SYN2: variants seen among roughly 807,000 people sequenced by gnomAD.
The protein encoded by SYN2 is synapsin-2.
Under a neutral mutation model 50.9 loss-of-function variants are expected in SYN2, and 19 were observed. The ratio of observed to expected loss-of-function variants is 0.37; its 90% CI spans 0.26 to 0.55. The LOEUF (loss-of-function observed/expected upper bound fraction) is 0.55, where lower values mean the gene tolerates loss of function less well. Ranked by LOEUF, SYN2 falls within the 20% of genes least tolerant of loss-of-function variation. The pLI, the probability that SYN2 is intolerant of heterozygous loss-of-function variation, is 0.81. For synonymous variants in SYN2, 255 were observed against 224.9 expected (o/e 1.13, Z -1.20); for missense variants, 587 against 576.4 (o/e 1.02, Z -0.19).
chr3:12,109,573 C>T (rs1574945640), intron 1 of SYN2, among the ~76,000 whole-genome samples: 2 of 152,186 alleles, frequency 1.3e-5, no homozygotes, highest in East Asian at 3.8e-4. Flanking sequence ...TTAGTTAGCG[C>T]TCAGTAAATG....
intron 1 of SYN2, among the ~76,000 whole-genome samples, chr3:12,018,553 C>T (rs1035654230): frequency 6.6e-6 from 1 of 152,078 alleles, no homozygotes; most frequent in Admixed American, 6.6e-5. Context: ...AATGATTTCC[C>T]TTTGGTGCTA....
intron 5 of SYN2, chr3:12,158,655 C>T (rs757514474): frequency 1.9e-6 from 3 of 1,603,392 alleles, no homozygotes; most frequent in South Asian, 2.2e-5. Flanking sequence ...AGATACTAAT[C>T]CCCCACAACC....
chr3:12,071,140 G>A (rs896670709), intron 1 of SYN2: 19 of 557,528 alleles, frequency 3.4e-5, no homozygotes, highest in South Asian at 1.1e-4. Context: ...GCTGTCCAGC[G>A]GCACTACCAT....
chr3:12,057,066 C>T (rs1470832310), intron 1 of SYN2, among the ~76,000 whole-genome samples: 2 of 151,812 alleles, frequency 1.3e-5, no homozygotes, highest in Admixed American at 6.6e-5. Flanking sequence ...CTGAGGCAAG[C>T]GGATCACTTG....
chr3:12,066,867 T>C (rs963701126), intron 1 of SYN2, among the ~76,000 whole-genome samples: 1 of 152,246 alleles, frequency 6.6e-6, no homozygotes, highest in Non-Finnish European at 1.5e-5. Context: ...AAGCTTACAA[T>C]GATGGCAGAA....
At chr3:12,130,237 CGTGT>C (rs34883251) in intron 1 of SYN2, among the ~76,000 whole-genome samples, 1 of 149,120 alleles carries the variant, frequency 6.7e-6, no homozygotes, top group Non-Finnish European at 1.5e-5. Flanking sequence ...TCTCTGTGTG[CGTGT>C]GTGTGTGTGT....
At chr3:12,053,427 C>CA (rs1485792348) in intron 1 of SYN2, among the ~76,000 whole-genome samples, 5 of 150,622 alleles carry the variant, frequency 3.3e-5, no homozygotes, top group Non-Finnish European at 7.4e-5. Flanking sequence ...TCTCAAAAAA[C>CA]AAAAAACAAA....
chr3:12,120,395 G>C (rs1226532417), intron 1 of SYN2, among the ~76,000 whole-genome samples: 1 of 152,116 alleles, frequency 6.6e-6, no homozygotes, highest in Admixed American at 6.5e-5. Flanking sequence ...TTCCCCACTA[G>C]TAAGTCAGGT....
intron 1 of SYN2, among the ~76,000 whole-genome samples, chr3:12,072,589 C>G (rs960532736): frequency 6.6e-6 from 1 of 152,050 alleles, no homozygotes; most frequent in Non-Finnish European, 1.5e-5. Flanking sequence ...TCTTTTTTCT[C>G]CATTGACTTG....
chr3:12,041,432 A>G (rs1694607524), intron 1 of SYN2, among the ~76,000 whole-genome samples: 1 of 152,200 alleles, frequency 6.6e-6, no homozygotes, highest in East Asian at 1.9e-4. Context: ...TTTTTCTGCC[A>G]TGAGAAATAT....
chr3:12,053,219 G>A lies in SYN2; in HGVS notation c.377+48291G>A, dbSNP rs1376481328. On this transcript the variant is annotated intron_variant, in intron 1 of 12. Transcript: ENST00000621198. ...GGGTGGATCACGAGGTTAGGAGTTC[G>A]AGACTAGCCTCACCAACATGGTGAA... Among the ~76,000 whole-genome samples, 4 of 152,034 alleles carry A rather than the reference G, an allele frequency of 2.6e-5. No individual in the cohort carries two copies. The South Asian group carries it at 6.2e-4, about 24-fold the overall frequency.
chr3:12,156,569 T>C (rs1697462994), intron 5 of SYN2, among the ~76,000 whole-genome samples: 1 of 152,210 alleles, frequency 6.6e-6, no homozygotes, highest in African/African-American at 2.4e-5. Flanking sequence ...CTACACTGGG[T>C]GAGCAGCCTG....
At chr3:12,075,991 T>C (rs1695459999) in intron 1 of SYN2, among the ~76,000 whole-genome samples, 1 of 152,162 alleles carries the variant, frequency 6.6e-6, no homozygotes. Context: ...ACGACAATCC[T>C]GTGAGGTATA....
intron 10 of SYN2, among the ~76,000 whole-genome samples, chr3:12,175,292 G>A (rs1698040174): frequency 6.6e-6 from 1 of 152,306 alleles, no homozygotes; most frequent in East Asian, 1.9e-4. Context: ...AGCCCTATCA[G>A]CCTATTGGAT....
chr3:12,146,038 G>T (rs574185330), intron 4 of SYN2, among the ~76,000 whole-genome samples: 2 of 152,324 alleles, frequency 1.3e-5, no homozygotes, highest in Non-Finnish European at 2.9e-5. Context: ...ATGGGGGAGG[G>T]CTGGCCATCA....
At chr3:12,073,987 T>C (rs1288268252) in intron 1 of SYN2, among the ~76,000 whole-genome samples, 3 of 152,182 alleles carry the variant, frequency 2.0e-5, no homozygotes, top group African/African-American at 7.2e-5. Flanking sequence ...TCCTTGTAAA[T>C]CTGTCAACTT....
rs59521769 is a variant in SYN2, at chr3:12,108,844, G to GTTT, written c.378-31796_378-31794dup. On this transcript the variant is annotated intron_variant, in intron 1 of 12. Coordinates refer to ENST00000621198, the MANE Select transcript of SYN2 (RefSeq NM_133625.6). ...AAACATATAATCAGTTTAGGAGCCA[G>GTTT]TTTTTTTTTTTTTCCAGTTTTTCTT... Among the ~76,000 whole-genome samples the GTTT allele has an allele frequency of 3.7e-4, 53 of 143,104 alleles. 1 individual carries two copies. Among genetic ancestry groups the GTTT allele is most frequent in the Middle Eastern group, 3.6e-3 (1 of 278 alleles). 93.9% of individuals were successfully genotyped at this position (143,104 alleles called of 152,430 possible).
intron 1 of SYN2, among the ~76,000 whole-genome samples, chr3:12,010,876 C>T (rs187627912): frequency 6.6e-6 from 1 of 152,126 alleles, no homozygotes; most frequent in Non-Finnish European, 1.5e-5. Flanking sequence ...CATATGTTAT[C>T]GTGAAAAAAG....
intron 1 of SYN2, among the ~76,000 whole-genome samples, chr3:12,113,936 C>T (rs1021455589): frequency 1.3e-5 from 2 of 151,902 alleles, no homozygotes; most frequent in African/African-American, 4.8e-5. Context: ...ATTTGAACAC[C>T]TGTTTTCAGT....
Sources: allele counts gnomAD v4.1 joint callset (sites outside exome capture counted in the v4.1 genomes callset), GRCh38; gene constraint gnomAD v4.1.1; transcripts MANE v1.5; gene names NCBI Gene and HGNC (gene_info 2026-07-23, HGNC 2026-07-21).